The following OTULIN variants were observed in gnomAD, a reference collection of about 807,000 sequenced individuals.
OTULIN encodes the protein OTU deubiquitinase with linear linkage specificity.
In OTULIN, 15 loss-of-function variants were observed where a neutral mutation model predicts 39.6. The ratio of observed to expected loss-of-function variants is 0.38; its 90% CI spans 0.25 to 0.58. The LOEUF (loss-of-function observed/expected upper bound fraction) is 0.58. OTULIN is among the 20% of genes least tolerant of loss of function. The pLI is 0.66. For missense variants in OTULIN, 319 were observed against 445.9 expected, an observed-to-expected ratio of 0.72 and a Z score of 2.56; for synonymous variants, 156 against 170.3, an observed-to-expected ratio of 0.92 and a Z score of 0.65.
downstream of OTULIN, among the ~76,000 whole-genome samples, chr5:14,701,441 G>C (rs1736794637): frequency 6.6e-6 from 1 of 152,122 alleles, no homozygotes; most frequent in Admixed American, 6.5e-5. Context: ...GGATTTGCCA[G>C]CCAGCCCCAA....
chr5:14,711,997 C>A, the OTULIN span, among the ~76,000 whole-genome samples: 2 of 152,250 alleles, frequency 1.3e-5, no homozygotes, highest in Middle Eastern at 3.2e-3. Context: ...TCATTGTGGC[C>A]ACCTTTTCGA....
chr5:14,713,969 C>G, the OTULIN span, among the ~76,000 whole-genome samples: 1 of 152,250 alleles, frequency 6.6e-6, no homozygotes, highest in African/African-American at 2.4e-5. This position sits in a 1 kb window ranked among gnomAD's most constrained non-coding sequence, Gnocchi z 4.4. Flanking sequence ...CCAGTCCTGT[C>G]CCCACACTTG....
At chr5:14,713,471 T>C in the OTULIN span, 1 of 1,587,066 alleles carries the variant, frequency 6.3e-7, no homozygotes, top group Non-Finnish European at 8.6e-7. This position sits in a 1 kb window ranked among gnomAD's most constrained non-coding sequence, Gnocchi z 4.4. Flanking sequence ...CCTGAAAATG[T>C]AGCTGTTAAA....
the OTULIN span, chr5:14,706,031 A>G: frequency 6.6e-6 from 1 of 152,196 alleles, no homozygotes; most frequent in Admixed American, 6.5e-5. Context: ...AGTGAGTGGT[A>G]CAACCATTTT....
At chr5:14,703,298 C>T (rs1171833318), downstream of OTULIN, among the ~76,000 whole-genome samples, 1 of 131,418 alleles carries the variant, frequency 7.6e-6, no homozygotes, top group East Asian at 2.2e-4. Context: ...ACCTTCCCTG[C>T]ACCTTAGCAT....
rs1736685194 is a variant in OTULIN at position 14,696,935 on chromosome 5, G to C, written c.*3887G>C. 1 of 152,176 alleles carries C rather than the reference G, an allele frequency of 6.6e-6. No individual in the cohort carries two copies. Among genetic ancestry groups the C allele is most frequent in the African/African-American group, 2.4e-5 (1 of 41,446 alleles). The allele number at this position is 152,176 out of a possible 1,614,324, so 9.4% of individuals were successfully genotyped here. On this transcript the variant is annotated 3_prime_UTR_variant, in exon 7 of 7. Transcript: ENST00000284274. ...GTTTTTGTAATTCAGTTTATAACTT[G>C]GAACCAATGAAAAGCAACAAAACTA...
At chr5:14,678,279 G>A (rs528564035) in intron 2 of OTULIN, among the ~76,000 whole-genome samples, 26 of 152,314 alleles carry the variant, frequency 1.7e-4, no homozygotes, top group Non-Finnish European at 3.4e-4. Context: ...TGTAGCTGGG[G>A]CTGGAGCCCA....
At chr5:14,700,136 A>G (rs886451584), downstream of OTULIN, among the ~76,000 whole-genome samples, 2 of 152,178 alleles carry the variant, frequency 1.3e-5, no homozygotes, top group African/African-American at 4.8e-5. Flanking sequence ...CCTGGGAGCC[A>G]TCTGTTCATG....
chr5:14,708,348 G>C, the OTULIN span: 1 of 152,202 alleles, frequency 6.6e-6, no homozygotes, highest in Non-Finnish European at 1.5e-5. Context: ...CAGTTTTGGA[G>C]AAAGTCACAC....
In OTULIN at chr5:14,697,655, G is replaced by A. The variant is rs1191935994; in HGVS notation, c.*4607G>A. The A allele has an allele frequency of 6.6e-6, 1 of 152,122 alleles. No homozygotes were observed. Among genetic ancestry groups the A allele is most frequent in the South Asian group, 2.1e-4 (1 of 4,818 alleles). 9.4% of individuals were successfully genotyped at this position (152,122 alleles called of 1,614,324 possible). On this transcript the variant is annotated 3_prime_UTR_variant, in exon 7 of 7. Coordinates refer to ENST00000284274, the MANE Select transcript of OTULIN (RefSeq NM_138348.6). ...ATGTGTGTGTGGTCCCAGACCTCAT[G>A]GCCACCAGTTTGTTTAAGCATTGTG...
chr5:14,670,970 G>A (rs1012674863), intron 1 of OTULIN, among the ~76,000 whole-genome samples: 16 of 152,296 alleles, frequency 1.1e-4, no homozygotes, highest in Middle Eastern at 3.4e-3. Context: ...TGTGGTTAAA[G>A]CAATTTGATT....
rs774405785 is a variant in OTULIN at position 14,694,379 on chromosome 5, A to G, written c.*1331A>G. Reference sequence around the variant, plus strand: ...TGTCCTCAAGGGGTGTGGACTGCAGATGGTGTTCACATGAACCGGAGACAT... The same window carrying G: ...TGTCCTCAAGGGGTGTGGACTGCAGGTGGTGTTCACATGAACCGGAGACAT... On this transcript the variant is annotated 3_prime_UTR_variant, in exon 7 of 7. Coordinates refer to ENST00000284274, the MANE Select transcript of OTULIN (RefSeq NM_138348.6). 1.3e-5 allele frequency: 2 copies of G among 152,198 alleles called. No homozygotes were observed. The highest frequency in any genetic ancestry group is 2.9e-5 in the Non-Finnish European group (2 of 68,046). The allele number at this position is 152,198 out of a possible 1,614,324, so 9.4% of individuals were successfully genotyped here.
chr5:14,699,297 A>G lies in OTULIN; in HGVS notation c.*6249A>G, dbSNP rs1450178254. Reference sequence around the variant, plus strand: ...GAAGTATGTTGGGGATAGAGAATGAAGTTTGAGTCAGCAGAGCTCTGCCTT... The same window carrying G: ...GAAGTATGTTGGGGATAGAGAATGAGGTTTGAGTCAGCAGAGCTCTGCCTT... On this transcript the variant is annotated 3_prime_UTR_variant, in exon 7 of 7. Transcript: ENST00000284274. The G allele has an allele frequency of 6.6e-6, 1 of 152,236 alleles. No homozygotes were observed. The highest frequency in any genetic ancestry group is 1.5e-5 in the Non-Finnish European group (1 of 68,052). 9.4% of individuals were successfully genotyped at this position (152,236 alleles called of 1,614,324 possible). A position where few individuals can be genotyped will look rare whatever the true frequency, so the allele number is the denominator to read the frequency against.
chr5:14,677,934 G>A (rs1017224107), intron 2 of OTULIN, among the ~76,000 whole-genome samples: 2 of 152,206 alleles, frequency 1.3e-5, no homozygotes, highest in African/African-American at 2.4e-5. Context: ...GTATTCATGA[G>A]CACCTGTGTG....
At chr5:14,704,329 CAAAAA>C (rs1194771023), downstream of OTULIN, among the ~76,000 whole-genome samples, 11 of 65,516 alleles carry the variant, frequency 1.7e-4, no homozygotes, top group East Asian at 4.4e-3. Context: ...GACTCCGTCT[CAAAAA>C]AAAAAAAAAA....
At position 14,694,994 on chromosome 5, in the gene OTULIN, G is replaced by A. The variant is rs1428274358; in HGVS notation, c.*1946G>A. 6.6e-6 allele frequency: 1 copy of A among 152,268 alleles called. No individual in the cohort carries two copies. The highest frequency in any genetic ancestry group is 2.4e-5 in the African/African-American group (1 of 41,444). The allele number at this position is 152,268 out of a possible 1,614,324, so 9.4% of individuals were successfully genotyped here. ...TGTGCCCTTCAGGTACATTGAATCT[G>A]ACCATCAGTTTATATATGTCATTGA... On this transcript the variant is annotated 3_prime_UTR_variant, in exon 7 of 7. Transcript: ENST00000284274.
chr5:14,685,568 T>A (rs954997702), intron 4 of OTULIN, among the ~76,000 whole-genome samples: 1 of 152,266 alleles, frequency 6.6e-6, no homozygotes, highest in African/African-American at 2.4e-5. Flanking sequence ...CTTCATTTTT[T>A]AAAATTGTCT....
At chr5:14,712,020 C>T in the OTULIN span, among the ~76,000 whole-genome samples, 15 of 152,366 alleles carry the variant, frequency 9.8e-5, no homozygotes, top group East Asian at 2.3e-3. Context: ...TCCTGTCTCC[C>T]CTCTTTCCTC....
chr5:14,673,901 C>T (rs1275447100), intron 2 of OTULIN, 183 bp downstream of exon 2: 1 of 445,820 alleles, frequency 2.2e-6, no homozygotes, highest in East Asian at 3.8e-5. Context: ...AATTTTAATG[C>T]AAACATTCTC....
Sources: allele counts gnomAD v4.1 joint callset (sites outside exome capture counted in the v4.1 genomes callset), GRCh38; gene constraint gnomAD v4.1.1; non-coding constraint Gnocchi (gnomAD v3.1); transcripts MANE v1.5; gene names NCBI Gene and HGNC (gene_info 2026-07-23, HGNC 2026-07-21).